The following TBC1D22B variants were observed in gnomAD, a reference collection of about 807,000 sequenced individuals.
The protein encoded by TBC1D22B is chromosome 6 open reading frame 197.
Under a neutral mutation model 69.1 loss-of-function variants are expected in TBC1D22B, and 32 were observed. The observed-to-expected ratio is 0.46, with a 90% CI of 0.35 to 0.62. The LOEUF (loss-of-function observed/expected upper bound fraction) is 0.62. Ranked by LOEUF, TBC1D22B falls within the 20% of genes least tolerant of loss-of-function variation. TBC1D22B has a pLI of 0.00. For missense variants in TBC1D22B, 462 were observed against 630.9 expected, an observed-to-expected ratio of 0.73 and a Z score of 2.87; for synonymous variants, 206 against 229.8, an observed-to-expected ratio of 0.90 and a Z score of 0.94.
At chr6:37,321,596 T>C (rs6941767) in intron 12 of TBC1D22B, among the ~76,000 whole-genome samples, 7,375 of 152,320 alleles carry the variant, frequency 0.048, 518 homozygotes, top group African/African-American at 0.15. Flanking sequence ...GATCTCCTGC[T>C]GCCCTTTCAT....
At chr6:37,304,941 G>A (rs1767664933) in intron 8 of TBC1D22B, among the ~76,000 whole-genome samples, 1 of 152,218 alleles carries the variant, frequency 6.6e-6, no homozygotes, top group Non-Finnish European at 1.5e-5. Flanking sequence ...GTGGGAGCAG[G>A]AGGCAGGTTT....
In TBC1D22B at chr6:37,282,891, G is replaced by A; in HGVS notation, c.611G>A (p.Arg204Lys). ...SSQNTDLDEL[R>K]KCSWPGVPRE... ...TGTTTTCTATTTACAGATGAACTGA[G>A]GAAGTGTAGCTGGCCAGGGGTTCCC... Residue 204 changes from arginine (R) to lysine (K), a missense_variant, in exon 5 of 13, where the codon AGG (arginine) becomes AAG (lysine). Arg to Lys is a conservative substitution (Grantham distance 26). This residue lies in a region of TBC1D22B where 237 missense variants were observed against 255.4 expected (regional missense o/e 0.93). Coordinates refer to ENST00000373491, the MANE Select transcript of TBC1D22B (RefSeq NM_017772.4). 1.9e-6 allele frequency: 3 copies of A among 1,614,072 alleles called. No homozygotes were observed. The highest frequency in any genetic ancestry group is 2.5e-6 in the Non-Finnish European group (3 of 1,179,962).
At chr6:37,302,164 T>C (rs1316054521) in intron 8 of TBC1D22B, among the ~76,000 whole-genome samples, 1 of 152,270 alleles carries the variant, frequency 6.6e-6, no homozygotes, top group Non-Finnish European at 1.5e-5. Context: ...GATTCCCCTG[T>C]GAGTTGATAG....
chr6:37,319,222 A>G (rs1768168522), intron 12 of TBC1D22B, among the ~76,000 whole-genome samples: 2 of 152,358 alleles, frequency 1.3e-5, no homozygotes, highest in African/African-American at 2.4e-5. Flanking sequence ...ATTAAGAACC[A>G]TGGCTTCTGC....
At chr6:37,305,546 G>A (rs1309784676) in intron 8 of TBC1D22B, among the ~76,000 whole-genome samples, 1 of 145,454 alleles carries the variant, frequency 6.9e-6, no homozygotes, top group Admixed American at 6.9e-5. Flanking sequence ...GAGACGGAGT[G>A]TTGCTCTGTC....
At chr6:37,330,302 G>A (rs9349037) in intron 12 of TBC1D22B, among the ~76,000 whole-genome samples, 86,491 of 142,724 alleles carry the variant, frequency 0.61, 26,683 homozygotes, top group East Asian at 0.79. Context: ...GCAGTGGCGC[G>A]ATCTGGGCTC....
At position 37,291,338 on chromosome 6, in the gene TBC1D22B, C is replaced by T; in HGVS notation, c.963C>T (p.Val321=). 6.2e-7 allele frequency: 1 copy of T among 1,611,408 alleles called. No individual in the cohort carries two copies. Among genetic ancestry groups the T allele is most frequent in the Non-Finnish European group, 8.5e-7 (1 of 1,178,774 alleles). The change falls in exon 8 of 13, where the codon GTC becomes GTT. Residue 321 remains valine, a synonymous_variant. Transcript: ENST00000373491. ...ACCTGGTCACTCCATTCTTTGTCGT[C>T]TTCCTCTCAGAATATGTGGGTAAGA... is the stretch of plus-strand genomic sequence containing the variant. ...INDLVTPFFV[V]FLSEYVEEDV...
intron 8 of TBC1D22B, among the ~76,000 whole-genome samples, chr6:37,308,183 C>G (rs1334428099): frequency 6.6e-6 from 1 of 152,198 alleles, no homozygotes; most frequent in Non-Finnish European, 1.5e-5. Context: ...CTTGTTTCCT[C>G]CCATCTGAGT....
At chr6:37,327,314 T>C (rs2113794958) in intron 12 of TBC1D22B, among the ~76,000 whole-genome samples, 1 of 135,130 alleles carries the variant, frequency 7.4e-6, no homozygotes, top group East Asian at 2.0e-4. Flanking sequence ...CCGTCTCTAC[T>C]AAAAATGCAA....
intron 12 of TBC1D22B, among the ~76,000 whole-genome samples, chr6:37,320,432 G>C (rs1481510610): frequency 6.6e-6 from 1 of 152,012 alleles, no homozygotes; most frequent in Non-Finnish European, 1.5e-5. Context: ...AGTTAGAATA[G>C]TGTACTTGAT....
chr6:37,265,070 T>C (rs1766229316), intron 1 of TBC1D22B, among the ~76,000 whole-genome samples: 2 of 152,240 alleles, frequency 1.3e-5, no homozygotes, highest in African/African-American at 4.8e-5. Context: ...AATAAGCTGA[T>C]TTATTATACA....
At chr6:37,287,278 C>A (rs755776249) in intron 7 of TBC1D22B, among the ~76,000 whole-genome samples, 1 of 152,166 alleles carries the variant, frequency 6.6e-6, no homozygotes, top group Non-Finnish European at 1.5e-5. Context: ...GGAACTTGCT[C>A]AGAATTTTGA....
rs532052761 is a variant in TBC1D22B at position 37,332,565 on chromosome 6, C to T, written c.*1393C>T. 4 of 151,490 alleles carry T rather than the reference C, an allele frequency of 2.6e-5. No homozygotes were observed. Among genetic ancestry groups the T allele is most frequent in the African/African-American group, 7.3e-5 (3 of 40,950 alleles). 9.4% of individuals were successfully genotyped at this position (151,490 alleles called of 1,614,324 possible). A position where few individuals can be genotyped will look rare whatever the true frequency, so the allele number is the denominator to read the frequency against. ...TGTCACCTTCACTCCCCACACAGCT[C>T]ATGAGATGTGTGACCCCTGTTTGAG... On this transcript the variant is annotated 3_prime_UTR_variant, in exon 13 of 13. Coordinates refer to ENST00000373491, the MANE Select transcript of TBC1D22B (RefSeq NM_017772.4).
intron 5 of TBC1D22B, among the ~76,000 whole-genome samples, chr6:37,283,992 C>T (rs1235863762): frequency 1.4e-4 from 22 of 152,228 alleles, no homozygotes; most frequent in Admixed American, 7.2e-4. Flanking sequence ...CACAGCCCTC[C>T]GAGGCCATGA....
chr6:37,264,884 T>G (rs893524112), intron 1 of TBC1D22B, among the ~76,000 whole-genome samples: 1 of 152,162 alleles, frequency 6.6e-6, no homozygotes, highest in African/African-American at 2.4e-5. Context: ...CAGTCTTTCT[T>G]AGAGCTGAGT....
intron 8 of TBC1D22B, among the ~76,000 whole-genome samples, chr6:37,294,559 G>A (rs1212825063): frequency 6.6e-6 from 1 of 152,164 alleles, no homozygotes; most frequent in African/African-American, 2.4e-5. Context: ...TAGGGGCTAA[G>A]GCAGCTGGTG....
intron 1 of TBC1D22B, among the ~76,000 whole-genome samples, chr6:37,268,339 C>G (rs959838173): frequency 6.6e-6 from 1 of 152,066 alleles, no homozygotes; most frequent in Non-Finnish European, 1.5e-5. Context: ...AGCGATCCCC[C>G]CGTCTCAGCC....
In TBC1D22B at chr6:37,309,191, CAA is replaced by C. The variant is rs541227353; in HGVS notation, c.983-3725_983-3724del. Among the ~76,000 whole-genome samples, 452 of 152,260 alleles carry C rather than the reference CAA, an allele frequency of 3.0e-3. 4 individuals carry two copies. Among genetic ancestry groups the C allele is most frequent in the African/African-American group, 9.8e-3 (405 of 41,534 alleles). ...GACACAGAAAGTAAAGCCATTTGTG[CAA>C]AGTCACATAGCTACTGAATGACAGA... On this transcript the variant is annotated intron_variant, in intron 8 of 12. Transcript: ENST00000373491.
chr6:37,272,612 T>G (rs1374942847), intron 2 of TBC1D22B, among the ~76,000 whole-genome samples: 1 of 151,092 alleles, frequency 6.6e-6, no homozygotes, highest in Admixed American at 6.6e-5. Flanking sequence ...TGTCTCAAAC[T>G]CCCGGACTCA....
Sources: allele counts gnomAD v4.1 joint callset (sites outside exome capture counted in the v4.1 genomes callset), GRCh38; gene constraint gnomAD v4.1.1; regional missense constraint gnomAD v4.1.1; transcripts MANE v1.5; gene names NCBI Gene and HGNC (gene_info 2026-07-23, HGNC 2026-07-21).